Variants in PHACTR2 observed in about 807,000 individuals in gnomAD.
The protein encoded by PHACTR2 is chromosome 6 open reading frame 56.
Under a neutral mutation model 76.0 loss-of-function variants are expected in PHACTR2, and 30 were observed. The observed-to-expected ratio is 0.39, with a 90% confidence interval of 0.30 to 0.54. The LOEUF (loss-of-function observed/expected upper bound fraction) is 0.54, where lower values mean the gene tolerates loss of function less well. Among genes scored for constraint, PHACTR2 ranks in the 20% least tolerant of loss-of-function variants. The pLI is 0.61. For synonymous variants in PHACTR2, 292 were observed against 292.5 expected, an observed-to-expected ratio of 1.00 and a Z score of 0.02; for missense variants, 696 against 781.1, an observed-to-expected ratio of 0.89 and a Z score of 1.30.
intron 6 of PHACTR2, among the ~76,000 whole-genome samples, chr6:143,768,894 G>T (rs1042908173): frequency 6.6e-6 from 1 of 152,188 alleles, no homozygotes; most frequent in African/African-American, 2.4e-5. Context: ...TACAGGGATG[G>T]TTTGTGTTTG....
Position 143,608,665 on chromosome 6 carries a change from G to A in PHACTR2, c.13+343G>A, listed in dbSNP as rs1160648749. 1.3e-5 allele frequency among the ~76,000 whole-genome samples: 2 copies of A among 152,166 alleles called. No individual in the cohort carries two copies. The highest frequency in any genetic ancestry group is 4.8e-5 in the African/African-American group (2 of 41,434). ...AAACTATTACTAAGGGATGGCACAAGGTAGATGGAATTAAGTTAATGAGCT... is the reference window on the plus strand; with the variant it reads ...AAACTATTACTAAGGGATGGCACAAAGTAGATGGAATTAAGTTAATGAGCT... On this transcript the variant is annotated intron_variant, in intron 1 of 11. Coordinates refer to the PHACTR2 transcript ENST00000305766. The surrounding 1 kb of genome is among the most constrained non-coding windows in gnomAD (Gnocchi z 4.6).
chr6:143,595,695 C>G lies in PHACTR2; in HGVS notation c.217+58488C>G, dbSNP rs1411494559. 6.6e-6 allele frequency among the ~76,000 whole-genome samples: 1 copy of G among 152,166 alleles called. No homozygotes were observed. On this transcript the variant is annotated intron_variant, in intron 1 of 11. Coordinates refer to the PHACTR2 transcript ENST00000367584. The surrounding 1 kb of genome is among the most constrained non-coding windows in gnomAD (Gnocchi z 4.2). ...TACATTAGTTCCAGTACCCAGCCCTCTTTCGTGAAGAGGACTAGAGGTGGT... is the reference window on the plus strand; with the variant it reads ...TACATTAGTTCCAGTACCCAGCCCTGTTTCGTGAAGAGGACTAGAGGTGGT...
intron 11 of PHACTR2, among the ~76,000 whole-genome samples, chr6:143,792,737 C>A (rs534984088): frequency 6.6e-5 from 10 of 152,232 alleles, no homozygotes; most frequent in African/African-American, 1.7e-4. Flanking sequence ...AATTCTGGCT[C>A]CTAGTCCGCC....
At chr6:143,728,261 A>C (rs961681356) in intron 2 of PHACTR2, among the ~76,000 whole-genome samples, 1 of 110,022 alleles carries the variant, frequency 9.1e-6, no homozygotes, top group African/African-American at 3.7e-5. Context: ...TCTGTCACTT[A>C]GGCTGGAGTG....
rs9496657 is a variant in PHACTR2, at chr6:143,539,236, C to T, written c.217+2029C>T. On this transcript the variant is annotated intron_variant, in intron 1 of 11. Coordinates refer to the PHACTR2 transcript ENST00000367584. The surrounding 1 kb of genome is among the most constrained non-coding windows in gnomAD (Gnocchi z 4.3). ...CTTTGTCTTTTCTGTGTCCTCTTAA[C>T]GGATGCTAGGAAGTGAAACCTTTCA... is the stretch of plus-strand genomic sequence containing the variant. Among the ~76,000 whole-genome samples, 1,017 of 152,302 alleles carry T rather than the reference C, an allele frequency of 6.7e-3. 13 individuals are homozygous for T. Among genetic ancestry groups the T allele is most frequent in the African/African-American group, 0.02 (845 of 41,556 alleles).
At chr6:143,614,667 A>G (rs757150840) in intron 1 of PHACTR2, among the ~76,000 whole-genome samples, 3 of 152,182 alleles carry the variant, frequency 2.0e-5, no homozygotes, top group Non-Finnish European at 4.4e-5. Context: ...AACTTCCATA[A>G]GTGTCAGTGC....
In PHACTR2 at chr6:143,757,374, A is replaced by G. The variant is rs1779326184; in HGVS notation, c.455-3027A>G. On this transcript the variant is annotated intron_variant, in intron 4 of 12. Transcript: ENST00000440869. The surrounding 1 kb of genome is among the most constrained non-coding windows in gnomAD (Gnocchi z 4.2). ...AAGGGAGCTCACAGTGAGGGCCAAC[A>G]TTGGTTCTCAGAGGAAGATATTTAT... Among the ~76,000 whole-genome samples, 1 of 152,234 alleles carries G rather than the reference A, an allele frequency of 6.6e-6. No individual in the cohort carries two copies. Among genetic ancestry groups the G allele is most frequent in the Non-Finnish European group, 1.5e-5 (1 of 68,046 alleles).
chr6:143,667,666 G>A (rs1035068329), intron 1 of PHACTR2, among the ~76,000 whole-genome samples: 1 of 152,044 alleles, frequency 6.6e-6, no homozygotes, highest in African/African-American at 2.4e-5. Context: ...TCATGATTTG[G>A]CTCTCTGTTT....
intron 1 of PHACTR2, among the ~76,000 whole-genome samples, chr6:143,692,981 G>A (rs75990129): frequency 2.0e-5 from 3 of 152,292 alleles, no homozygotes; most frequent in East Asian, 3.9e-4. Context: ...TTAACTTGTA[G>A]ATGTCTGCCT....
intron 9 of PHACTR2, among the ~76,000 whole-genome samples, chr6:143,778,690 A>G (rs1364596619): frequency 6.6e-6 from 1 of 152,210 alleles, no homozygotes; most frequent in Non-Finnish European, 1.5e-5. Flanking sequence ...TTCCTGGGAA[A>G]TGCTTGTTGA....
At chr6:143,665,963 G>C (rs1359263208) in intron 1 of PHACTR2, among the ~76,000 whole-genome samples, 1 of 152,052 alleles carries the variant, frequency 6.6e-6, no homozygotes, top group East Asian at 1.9e-4. Flanking sequence ...ATGGTGGTTT[G>C]CTGCACCCAT....
chr6:143,756,162 T>C (rs1181325697), intron 4 of PHACTR2, among the ~76,000 whole-genome samples: 4 of 152,158 alleles, frequency 2.6e-5, no homozygotes, highest in Non-Finnish European at 5.9e-5. Flanking sequence ...TACTTTAATA[T>C]TTGAAACATC....
chr6:143,601,998 T>C (rs1042511323), intron 1 of PHACTR2, among the ~76,000 whole-genome samples: 4 of 152,234 alleles, frequency 2.6e-5, no homozygotes, highest in African/African-American at 9.6e-5. Context: ...AATGGAGATA[T>C]TCATTGCCTC....
chr6:143,543,722 C>A lies in PHACTR2; in HGVS notation c.217+6515C>A, dbSNP rs1478078055. The stretch of plus-strand genomic sequence containing the variant: ...GTTGCTTTTGGCTCTGAGCAGGGTT[C>A]TTTTGGGAGAGAAGGGAGAGTAGAG... On this transcript the variant is annotated intron_variant, in intron 1 of 11. Transcript: ENST00000367584. This position sits in a 1 kb window ranked among gnomAD's most constrained non-coding sequence, Gnocchi z 4.7. Among the ~76,000 whole-genome samples, 1 of 152,130 alleles carries A rather than the reference C, an allele frequency of 6.6e-6. No individual in the cohort carries two copies. Among genetic ancestry groups the A allele is most frequent in the Non-Finnish European group, 1.5e-5 (1 of 68,030 alleles).
chr6:143,806,868 G>T lies in PHACTR2; in HGVS notation c.1846-189G>T, dbSNP rs1776077232. Among the ~76,000 whole-genome samples, 1 of 151,642 alleles carries T rather than the reference G, an allele frequency of 6.6e-6. No individual in the cohort carries two copies. The highest frequency in any genetic ancestry group is 1.5e-5 in the Non-Finnish European group (1 of 67,956). ...GCTACTGGGAATGCTGAGTTGGGAG[G>T]ATCACTTGAGCCCAGGAGTTTGAGG... On this transcript the variant is annotated intron_variant, in intron 11 of 12. Transcript: ENST00000440869. This position sits in a 1 kb window ranked among gnomAD's most constrained non-coding sequence, Gnocchi z 5.8.
At chr6:143,687,919 A>G (rs1401973550) in intron 1 of PHACTR2, among the ~76,000 whole-genome samples, 2 of 152,212 alleles carry the variant, frequency 1.3e-5, no homozygotes, top group African/African-American at 4.8e-5. Context: ...AATTAAAGTT[A>G]TTATGTGTAA....
At position 143,598,734 on chromosome 6, in the gene PHACTR2, G is replaced by T. The variant is rs190659747; in HGVS notation, c.217+61527G>T. ...AGTGCCTTTCCTGGCTTTGTCCTTCGTATCAGATGCAGATGTTTTATCTCC... is the reference window on the plus strand; with the variant it reads ...AGTGCCTTTCCTGGCTTTGTCCTTCTTATCAGATGCAGATGTTTTATCTCC... On this transcript the variant is annotated intron_variant, in intron 1 of 11. Transcript: ENST00000367584. The surrounding 1 kb of genome is among the most constrained non-coding windows in gnomAD (Gnocchi z 4.1). Among the ~76,000 whole-genome samples the T allele has an allele frequency of 6.6e-6, 1 of 152,066 alleles. No homozygotes were observed. Among genetic ancestry groups the T allele is most frequent in the Non-Finnish European group, 1.5e-5 (1 of 68,022 alleles).
At chr6:143,729,346 A>G (rs1778651017) in intron 2 of PHACTR2, among the ~76,000 whole-genome samples, 1 of 152,190 alleles carries the variant, frequency 6.6e-6, no homozygotes, top group African/African-American at 2.4e-5. Flanking sequence ...TTTTAATTTT[A>G]ATGAAATCCA....
intron 1 of PHACTR2, among the ~76,000 whole-genome samples, chr6:143,590,024 C>T (rs1775672205): frequency 2.0e-5 from 3 of 152,074 alleles, no homozygotes; most frequent in Admixed American, 2.0e-4. Context: ...ATATTATAGT[C>T]ACGAAAACTC....
Sources: gnomAD v4.1 joint callset for allele counts (sites outside exome capture counted in the v4.1 genomes callset) on GRCh38, gnomAD v4.1.1 for gene constraint, Gnocchi (gnomAD v3.1) non-coding constraint, MANE v1.5 for transcripts, NCBI Gene and HGNC (gene_info 2026-07-23, HGNC 2026-07-21) for gene names.